Variants in CNTNAP4 observed in about 807,000 individuals in gnomAD.
CNTNAP4 encodes the protein contactin-associated protein-like 4.
CNTNAP4 carries 98 observed loss-of-function variants against 148.4 expected under a neutral mutation model. The observed-to-expected ratio is 0.66, with a 90% CI of 0.56 to 0.78. The LOEUF is 0.78. CNTNAP4 is among the 30% of genes least tolerant of loss of function. CNTNAP4 has a pLI of 0.00. For missense variants in CNTNAP4, 1,935 were observed against 1,565.6 expected, an observed-to-expected ratio of 1.24 and a Z score of -3.98; for synonymous variants, 730 against 565.1, an observed-to-expected ratio of 1.29 and a Z score of -4.14.
chr16:76,513,597 T>C (rs955203313), intron 15 of CNTNAP4, among the ~76,000 whole-genome samples: 10 of 152,242 alleles, frequency 6.6e-5, no homozygotes, highest in Admixed American at 4.6e-4. Flanking sequence ...AATATTTAAA[T>C]GTATTTTCTA....
intron 2 of CNTNAP4, among the ~76,000 whole-genome samples, chr16:76,326,562 T>C (rs1478607435): frequency 3.3e-5 from 5 of 152,034 alleles, no homozygotes; most frequent in Admixed American, 3.3e-4. Flanking sequence ...TGTCCAACAA[T>C]GATAGACTGG....
intron 21 of CNTNAP4, among the ~76,000 whole-genome samples, chr16:76,542,800 T>C (rs2084521179): frequency 6.6e-6 from 1 of 152,214 alleles, no homozygotes; most frequent in Non-Finnish European, 1.5e-5. Context: ...AACTCTACAC[T>C]AGTACAGTAG....
chr16:76,442,738 A>T (rs900597702), intron 4 of CNTNAP4, among the ~76,000 whole-genome samples: 2 of 152,128 alleles, frequency 1.3e-5, no homozygotes, highest in African/African-American at 4.8e-5. Flanking sequence ...AACAGCCACA[A>T]ACCATTCATA....
At chr16:76,557,385 C>T (rs1000967858) in intron 23 of CNTNAP4, 5 of 152,150 alleles carry the variant, frequency 3.3e-5, no homozygotes, top group African/African-American at 1.2e-4. Context: ...GCAACTAATT[C>T]AGTTCACAAC....
intron 17 of CNTNAP4, among the ~76,000 whole-genome samples, chr16:76,534,752 C>A (rs759639727): frequency 1.5e-4 from 23 of 152,142 alleles, no homozygotes; most frequent in Non-Finnish European, 2.6e-4. Flanking sequence ...ATTAGAAGCT[C>A]TCCGTGTGAT....
intron 12 of CNTNAP4, among the ~76,000 whole-genome samples, chr16:76,481,090 C>G (rs1237654914): frequency 6.6e-6 from 1 of 152,180 alleles, no homozygotes; most frequent in African/African-American, 2.4e-5. Context: ...AACAGACTCA[C>G]TCATATATGG....
intron 3 of CNTNAP4, among the ~76,000 whole-genome samples, chr16:76,412,670 C>CTTTTTTCTCT (rs757909122): frequency 1.7e-4 from 26 of 150,874 alleles, no homozygotes; most frequent in Admixed American, 1.7e-3. Context: ...CATTTAAATA[C>CTTTTTTCTCT]TTTTTTCTCT....
At chr16:76,386,769 A>G (rs2016550476) in intron 3 of CNTNAP4, among the ~76,000 whole-genome samples, 1 of 152,170 alleles carries the variant, frequency 6.6e-6, no homozygotes, top group Non-Finnish European at 1.5e-5. Context: ...GGGATTGTAG[A>G]TGGATTTTAG....
At chr16:76,538,729 G>A (rs997068396) in intron 19 of CNTNAP4, among the ~76,000 whole-genome samples, 1 of 151,896 alleles carries the variant, frequency 6.6e-6, no homozygotes. Context: ...AAACATTAAG[G>A]GAGTGTTAAT....
chr16:76,417,606 G>T (rs6564333), intron 3 of CNTNAP4, among the ~76,000 whole-genome samples: 114,296 of 151,340 alleles, frequency 0.76, 44,089 homozygotes, highest in Non-Finnish European at 0.84. Flanking sequence ...GATTATTATT[G>T]TAAATGTTTG....
At chr16:76,431,766 A>G (rs539482677) in intron 4 of CNTNAP4, among the ~76,000 whole-genome samples, 13 of 151,918 alleles carry the variant, frequency 8.6e-5, no homozygotes, top group African/African-American at 2.4e-4. Context: ...GGGAACACTG[A>G]GTTATCAAAT....
intron 21 of CNTNAP4, among the ~76,000 whole-genome samples, chr16:76,551,671 T>C (rs1351213914): frequency 6.6e-6 from 1 of 152,180 alleles, no homozygotes; most frequent in Non-Finnish European, 1.5e-5. Flanking sequence ...TCCATTTGTG[T>C]GACTTGGATA....
At chr16:76,510,602 A>G (rs1415026549) in intron 15 of CNTNAP4, among the ~76,000 whole-genome samples, 2 of 152,094 alleles carry the variant, frequency 1.3e-5, no homozygotes, top group African/African-American at 4.8e-5. Context: ...TAGTTTGCAT[A>G]TATGATCCCA....
At chr16:76,409,847 A>G (rs568232173) in intron 3 of CNTNAP4, among the ~76,000 whole-genome samples, 1 of 152,020 alleles carries the variant, frequency 6.6e-6, no homozygotes, top group Non-Finnish European at 1.5e-5. Flanking sequence ...AGATTAATAA[A>G]CTGTCTGTAA....
At chr16:76,331,281 G>A (rs929530958) in intron 2 of CNTNAP4, among the ~76,000 whole-genome samples, 1 of 151,760 alleles carries the variant, frequency 6.6e-6, no homozygotes, top group South Asian at 2.1e-4. Context: ...TCCGCCTCCC[G>A]GGTTCACACC....
At chr16:76,493,523 T>C (rs1282753289) in intron 13 of CNTNAP4, among the ~76,000 whole-genome samples, 1 of 152,124 alleles carries the variant, frequency 6.6e-6, no homozygotes, top group African/African-American at 2.4e-5. Flanking sequence ...CCACAGTCTA[T>C]ACCTTAAAAA....
At chr16:76,387,382 A>G (rs1415590862) in intron 3 of CNTNAP4, among the ~76,000 whole-genome samples, 2 of 152,222 alleles carry the variant, frequency 1.3e-5, no homozygotes, top group East Asian at 1.9e-4. Flanking sequence ...TTTGGCAGCT[A>G]TTCATAAAAC....
intron 1 of CNTNAP4, among the ~76,000 whole-genome samples, chr16:76,307,340 C>T (rs1330617806): frequency 6.6e-6 from 1 of 151,638 alleles, no homozygotes; most frequent in African/African-American, 2.4e-5. Context: ...ACAATTTGTT[C>T]ACTTAGTAAA....
intron 8 of CNTNAP4, among the ~76,000 whole-genome samples, chr16:76,457,374 G>A (rs2080775333): frequency 6.6e-6 from 1 of 152,198 alleles, no homozygotes; most frequent in African/African-American, 2.4e-5. Context: ...TACAAAGGAG[G>A]CTTGGGAAAA....
Sources: gnomAD v4.1 joint callset for allele counts (sites outside exome capture counted in the v4.1 genomes callset) on GRCh38, gnomAD v4.1.1 for gene constraint, MANE v1.5 for transcripts, NCBI Gene and HGNC (gene_info 2026-07-23, HGNC 2026-07-21) for gene names.